Variants in SAMD12 observed in about 807,000 individuals in gnomAD.
The protein encoded by SAMD12 is sterile alpha motif domain containing 12, also known as sterile alpha motif domain-containing protein 12.
A neutral mutation model predicts 15.0 loss-of-function variants in SAMD12; 9 were observed. The ratio of observed to expected loss-of-function variants is 0.60; its 90% CI spans 0.36 to 1.05. The LOEUF (loss-of-function observed/expected upper bound fraction) is 1.05, where lower values mean the gene tolerates loss of function less well. Among genes scored for constraint, SAMD12 ranks in the 50% least tolerant of loss-of-function variants. The probability of loss-of-function intolerance (pLI) is 0.01; values close to 1 mark genes in which losing one functional copy is unlikely to be tolerated. For synonymous variants in SAMD12, 86 were observed against 90.1 expected (o/e 0.96, Z 0.25); for missense variants, 230 against 234.2 (o/e 0.98, Z 0.12).
At chr8:118,278,755 T>G (rs1304122151) in intron 4 of SAMD12, among the ~76,000 whole-genome samples, 1 of 152,110 alleles carries the variant, frequency 6.6e-6, no homozygotes, top group East Asian at 1.9e-4. Context: ...CATGCAAAAC[T>G]AAGTTGGGCA....
chr8:118,571,659 T>C (rs759265217), intron 2 of SAMD12, among the ~76,000 whole-genome samples: 1 of 152,150 alleles, frequency 6.6e-6, no homozygotes, highest in African/African-American at 2.4e-5. Context: ...GGGCCGTCGC[T>C]TCAGAGGGTG....
At chr8:118,306,231 C>G (rs1218552895) in intron 4 of SAMD12, among the ~76,000 whole-genome samples, 1 of 152,158 alleles carries the variant, frequency 6.6e-6, no homozygotes, top group African/African-American at 2.4e-5. Flanking sequence ...ACTGATGAAT[C>G]TTCTACTGGA....
intron 4 of SAMD12, among the ~76,000 whole-genome samples, chr8:118,311,813 T>C (rs1815645471): frequency 6.6e-6 from 1 of 152,224 alleles, no homozygotes; most frequent in Non-Finnish European, 1.5e-5. Flanking sequence ...ATTTCAATAA[T>C]CACCATCCTT....
chr8:118,439,722 G>GC, intron 3 of SAMD12, 110 bp downstream of exon 3: 1 of 1,063,060 alleles, frequency 9.4e-7, no homozygotes, highest in Admixed American at 2.0e-5. Context: ...GTAAACCCAT[G>GC]CCAGAAAATT....
chr8:118,279,088 C>T (rs1234634662), intron 4 of SAMD12, among the ~76,000 whole-genome samples: 1 of 152,014 alleles, frequency 6.6e-6, no homozygotes, highest in Non-Finnish European at 1.5e-5. Context: ...GTGTAATTTC[C>T]CCAAAGGAGT....
At chr8:118,302,807 GA>G (rs1815116832) in intron 4 of SAMD12, among the ~76,000 whole-genome samples, 1 of 152,182 alleles carries the variant, frequency 6.6e-6, no homozygotes, top group African/African-American at 2.4e-5. Context: ...AATCCAGAGA[GA>G]AGTCCAAGAA....
intron 3 of SAMD12, among the ~76,000 whole-genome samples, chr8:118,406,162 C>T (rs1424454190): frequency 1.3e-5 from 2 of 151,476 alleles, no homozygotes; most frequent in Non-Finnish European, 2.9e-5. Flanking sequence ...ACATGCCTGT[C>T]TCTAATATTT....
chr8:118,132,726 T>G, the SAMD12 span, among the ~76,000 whole-genome samples: 1 of 152,004 alleles, frequency 6.6e-6, no homozygotes, highest in Non-Finnish European at 1.5e-5. Context: ...GGAGCCACTC[T>G]GAATTCTCCA....
chr8:118,393,324 T>G (rs1820381437), intron 3 of SAMD12, among the ~76,000 whole-genome samples: 1 of 152,150 alleles, frequency 6.6e-6, no homozygotes, highest in African/African-American at 2.4e-5. Flanking sequence ...TCAGAGTATC[T>G]GGAACTATAG....
intron 2 of SAMD12, among the ~76,000 whole-genome samples, chr8:118,444,037 ACT>A (rs1265874058): frequency 2.0e-5 from 3 of 151,556 alleles, no homozygotes; most frequent in Non-Finnish European, 4.4e-5. Flanking sequence ...CAACACCTAC[ACT>A]CTCTTCACAG....
chr8:118,517,968 C>T (rs1035060387), intron 2 of SAMD12, among the ~76,000 whole-genome samples: 1 of 152,148 alleles, frequency 6.6e-6, no homozygotes, highest in Non-Finnish European at 1.5e-5. Context: ...TTCTCTCCAA[C>T]AGGCAAATAA....
At chr8:118,533,340 G>A (rs1412656059) in intron 2 of SAMD12, among the ~76,000 whole-genome samples, 3 of 152,280 alleles carry the variant, frequency 2.0e-5, no homozygotes, top group South Asian at 4.1e-4. Flanking sequence ...TATATTTGCT[G>A]AGCAGTGCTT....
intron 4 of SAMD12, among the ~76,000 whole-genome samples, chr8:118,232,677 G>A (rs1458418888): frequency 3.3e-5 from 5 of 151,994 alleles, no homozygotes; most frequent in African/African-American, 1.2e-4. Flanking sequence ...GCATGTGCAC[G>A]TGTGTGTGTG....
intron 2 of SAMD12, among the ~76,000 whole-genome samples, chr8:118,577,894 T>C (rs1827191650): frequency 6.6e-6 from 1 of 152,138 alleles, no homozygotes; most frequent in African/African-American, 2.4e-5. Flanking sequence ...AAGTCATGGT[T>C]GAGCTACTAA....
chr8:118,209,914 CT>C (rs1819971515), intron 4 of SAMD12, among the ~76,000 whole-genome samples: 2 of 152,172 alleles, frequency 1.3e-5, no homozygotes, highest in Non-Finnish European at 2.9e-5. Context: ...CAAGACCCCC[CT>C]ACCTTTCAGC....
At chr8:118,387,761 G>T (rs1006285010) in intron 3 of SAMD12, among the ~76,000 whole-genome samples, 1 of 152,118 alleles carries the variant, frequency 6.6e-6, no homozygotes, top group Admixed American at 6.6e-5. Flanking sequence ...AAAGGGAACA[G>T]AACTCATGAG....
At chr8:118,134,802 C>T in the SAMD12 span, among the ~76,000 whole-genome samples, 1 of 152,184 alleles carries the variant, frequency 6.6e-6, no homozygotes, top group Admixed American at 6.5e-5. Flanking sequence ...CAGCGAAGTG[C>T]ATACTCGCCT....
intron 3 of SAMD12, among the ~76,000 whole-genome samples, chr8:118,437,767 T>C (rs184223683): frequency 5.9e-4 from 90 of 152,264 alleles, no homozygotes; most frequent in Middle Eastern, 3.4e-3. Flanking sequence ...TGTCCTCATG[T>C]CACTTAGCAG....
chr8:118,287,675 G>A (rs997194820), intron 4 of SAMD12, among the ~76,000 whole-genome samples: 3 of 152,140 alleles, frequency 2.0e-5, no homozygotes, highest in Admixed American at 6.5e-5. Context: ...GGACTAGGGG[G>A]AAAGGGACAT....
Sources: gnomAD v4.1 joint callset for allele counts (sites outside exome capture counted in the v4.1 genomes callset) on GRCh38, gnomAD v4.1.1 for gene constraint, MANE v1.5 for transcripts, NCBI Gene and HGNC (gene_info 2026-07-23, HGNC 2026-07-21) for gene names.